ERBB4: variants seen among roughly 807,000 people sequenced by gnomAD.
ERBB4 encodes the protein receptor tyrosine-protein kinase erbB-4.
In ERBB4, 42 loss-of-function variants were observed where a neutral mutation model predicts 158.0. The ratio of observed to expected loss-of-function variants is 0.27; its 90% CI spans 0.21 to 0.34. The LOEUF (loss-of-function observed/expected upper bound fraction) is 0.34, where lower values mean the gene tolerates loss of function less well. Among genes scored for constraint, ERBB4 ranks in the 10% least tolerant of loss-of-function variants. ERBB4 has a pLI of 1.00. For missense variants in ERBB4, 1,333 were observed against 1,624.1 expected (o/e 0.82, Z 3.08); for synonymous variants, 583 against 558.7 (o/e 1.04, Z -0.61).
intron 1 of ERBB4, among the ~76,000 whole-genome samples, chr2:212,409,452 A>G (rs1446720262): frequency 6.6e-6 from 1 of 152,092 alleles, no homozygotes; most frequent in Non-Finnish European, 1.5e-5. Flanking sequence ...TTTAAATTCT[A>G]TATGTAAGTA....
chr2:211,422,717 T>G (rs1253024506), intron 23 of ERBB4, among the ~76,000 whole-genome samples: 1 of 151,908 alleles, frequency 6.6e-6, no homozygotes, highest in Non-Finnish European at 1.5e-5. Flanking sequence ...CTTGATTTTC[T>G]TGCCAAATTA....
intron 20 of ERBB4, among the ~76,000 whole-genome samples, chr2:211,481,205 A>T (rs902319397): frequency 6.6e-6 from 1 of 152,162 alleles, no homozygotes; most frequent in Non-Finnish European, 1.5e-5. Flanking sequence ...GATATTTGAA[A>T]TGTATGCTAA....
intron 11 of ERBB4, among the ~76,000 whole-genome samples, chr2:211,702,803 T>G (rs184948706): frequency 2.6e-5 from 4 of 152,282 alleles, no homozygotes; most frequent in African/African-American, 7.2e-5. Context: ...ACAACTACCC[T>G]GTTTAGAATT....
chr2:212,251,669 G>A (rs1298068580), intron 1 of ERBB4, among the ~76,000 whole-genome samples: 1 of 151,890 alleles, frequency 6.6e-6, no homozygotes, highest in African/African-American at 2.4e-5. Flanking sequence ...TGAGGTAGGG[G>A]TGTGCCCAAT....
At chr2:211,990,609 T>C (rs948068316) in intron 2 of ERBB4, among the ~76,000 whole-genome samples, 8 of 151,926 alleles carry the variant, frequency 5.3e-5, no homozygotes, top group African/African-American at 1.9e-4. Context: ...TAGCAAGTCG[T>C]TAAATTTAAA....
chr2:212,425,337 G>GAACATATATGTATATGT (rs1560285505), intron 1 of ERBB4, among the ~76,000 whole-genome samples: 37 of 132,992 alleles, frequency 2.8e-4, no homozygotes, highest in African/African-American at 1.1e-3. Flanking sequence ...AATATATAAG[G>GAACATATATGTATATGT]ATACATATAT....
chr2:212,153,650 T>C (rs1230545004), intron 1 of ERBB4, among the ~76,000 whole-genome samples: 1 of 152,168 alleles, frequency 6.6e-6, no homozygotes, highest in Non-Finnish European at 1.5e-5. Context: ...TCATTGAAAG[T>C]GATGGCAAAA....
chr2:212,240,587 G>A (rs1472758580), intron 1 of ERBB4, among the ~76,000 whole-genome samples: 3 of 126,680 alleles, frequency 2.4e-5, no homozygotes, highest in Non-Finnish European at 3.1e-5. Flanking sequence ...CAGCCGAGCC[G>A]AGATCGTGCC....
intron 1 of ERBB4, among the ~76,000 whole-genome samples, chr2:212,447,747 C>T (rs1389872537): frequency 6.6e-6 from 1 of 150,788 alleles, no homozygotes; most frequent in Non-Finnish European, 1.5e-5. Flanking sequence ...TTACATAGTA[C>T]ACTAAAATAT....
At chr2:212,109,707 T>C (rs1324430769) in intron 2 of ERBB4, among the ~76,000 whole-genome samples, 1 of 152,186 alleles carries the variant, frequency 6.6e-6, no homozygotes, top group Non-Finnish European at 1.5e-5. Context: ...GGATACATGA[T>C]TGTTTCATGT....
In ERBB4 at chr2:212,240,637, C is replaced by CAA. The variant is rs71054188; in HGVS notation, c.83-115736_83-115735dup. ...TGGGCAACAGAGCGACACTCTGGCT[C>CAA]AAAAAAAAAAAAAAAAAAAAAAAAA... is the stretch of plus-strand genomic sequence containing the variant. On this transcript the variant is annotated intron_variant, in intron 1 of 27. Transcript: ENST00000342788. Among the ~76,000 whole-genome samples the CAA allele has an allele frequency of 3.1e-3, 110 of 35,780 alleles. 9 individuals are homozygous for CAA. Among genetic ancestry groups the CAA allele is most frequent in the East Asian group, 4.0e-3 (3 of 744 alleles). The allele number at this position is 35,780 out of a possible 152,430, so 23.5% of individuals were successfully genotyped here.
intron 3 of ERBB4, among the ~76,000 whole-genome samples, chr2:211,848,701 T>C (rs943940535): frequency 6.6e-6 from 1 of 152,002 alleles, no homozygotes; most frequent in Non-Finnish European, 1.5e-5. Flanking sequence ...CAGGGAAGAA[T>C]CCAATAGACT....
intron 2 of ERBB4, among the ~76,000 whole-genome samples, chr2:211,989,604 C>T (rs970439802): frequency 9.2e-5 from 14 of 151,722 alleles, no homozygotes; most frequent in African/African-American, 3.4e-4. Flanking sequence ...TTTACCAAGA[C>T]CACCATCTTA....
chr2:212,312,165 GA>G (rs1444043092), intron 1 of ERBB4, among the ~76,000 whole-genome samples: 1 of 150,926 alleles, frequency 6.6e-6, no homozygotes, highest in Non-Finnish European at 1.5e-5. Context: ...GAAAGCAAAT[GA>G]AATGACTTTC....
chr2:212,461,923 A>G (rs1054760745), intron 1 of ERBB4, among the ~76,000 whole-genome samples: 3 of 152,180 alleles, frequency 2.0e-5, no homozygotes, highest in Non-Finnish European at 4.4e-5. Context: ...GCTGCCATCC[A>G]TGTAAGACGT....
chr2:212,348,477 C>G (rs1170179262), intron 1 of ERBB4, among the ~76,000 whole-genome samples: 2 of 151,990 alleles, frequency 1.3e-5, no homozygotes, highest in Non-Finnish European at 2.9e-5. Flanking sequence ...TAATGAGAAA[C>G]AGTTAATCGT....
chr2:211,925,287 G>C (rs895086530), intron 3 of ERBB4, among the ~76,000 whole-genome samples: 1 of 149,744 alleles, frequency 6.7e-6, no homozygotes, highest in Middle Eastern at 3.2e-3. Flanking sequence ...TAGCATTTTT[G>C]TCAAAGATAT....
intron 1 of ERBB4, among the ~76,000 whole-genome samples, chr2:212,126,117 C>T (rs80120828): frequency 0.022 from 3,366 of 152,156 alleles, 107 homozygotes; most frequent in African/African-American, 0.076. Context: ...AATCTGTCTG[C>T]CAAGTTCTAT....
intron 20 of ERBB4, among the ~76,000 whole-genome samples, chr2:211,533,213 C>T (rs1487771240): frequency 1.3e-5 from 2 of 151,724 alleles, no homozygotes; most frequent in Admixed American, 1.3e-4. Flanking sequence ...TAGGTGTATA[C>T]CATAATTAGT....
Sources: allele counts gnomAD v4.1 joint callset (sites outside exome capture counted in the v4.1 genomes callset), GRCh38; gene constraint gnomAD v4.1.1; transcripts MANE v1.5; gene names NCBI Gene and HGNC (gene_info 2026-07-23, HGNC 2026-07-21).